Variants in VPS16 observed in about 807,000 individuals in gnomAD.
The protein encoded by VPS16 is vacuolar protein sorting-associated protein 16 homolog.
A neutral mutation model predicts 116.0 loss-of-function variants in VPS16; 82 were observed. That is an observed-to-expected ratio of 0.71 (90% confidence interval 0.59 to 0.85). VPS16 has a LOEUF of 0.85. Among genes scored for constraint, VPS16 ranks in the 40% least tolerant of loss-of-function variants. VPS16 has a pLI of 0.00. For synonymous variants in VPS16, 406 were observed against 420.7 expected (o/e 0.96, Z 0.43); for missense variants, 928 against 1,090.6 (o/e 0.85, Z 2.10).
chr20:2,852,821 A>G (rs114673736), intron 1 of VPS16, among the ~76,000 whole-genome samples: 3,627 of 152,300 alleles, frequency 0.024, 89 homozygotes, highest in African/African-American at 0.059. Flanking sequence ...GATGATGACT[A>G]CTAATTAATC....
rs763481102 is a variant in VPS16, at chr20:2,859,709, G to A, written c.54-10G>A. On this transcript the variant is annotated splice_polypyrimidine_tract_variant and intron_variant, in intron 1 of 23. Coordinates refer to ENST00000380445, the MANE Select transcript of VPS16 (RefSeq NM_022575.4). ...ATGAGGCTAATTTCTGCTCATCTCT[G>A]TGTGGGCAGGAAATATGAGCTGTAC... 3.1e-6 allele frequency: 5 copies of A among 1,612,682 alleles called. No homozygotes were observed. Among genetic ancestry groups the A allele is most frequent in the Admixed American group, 1.7e-5 (1 of 59,672 alleles).
At chr20:2,843,470 T>G (rs779395571) in intron 1 of VPS16, among the ~76,000 whole-genome samples, 1 of 151,736 alleles carries the variant, frequency 6.6e-6, no homozygotes, top group Non-Finnish European at 1.5e-5. Context: ...GCCTGTGCAG[T>G]ATGAAAAAAT....
At chr20:2,842,561 A>T (rs1433620711) in intron 1 of VPS16, among the ~76,000 whole-genome samples, 1 of 151,234 alleles carries the variant, frequency 6.6e-6, no homozygotes, top group East Asian at 2.0e-4. Flanking sequence ...GAGCCAAGAT[A>T]GCGTCATTGC....
chr20:2,852,033 C>T (rs552619907), intron 1 of VPS16, among the ~76,000 whole-genome samples: 1 of 152,164 alleles, frequency 6.6e-6, no homozygotes, highest in African/African-American at 2.4e-5. Context: ...AGTGCACAGG[C>T]AGGATGCAGC....
In VPS16 at chr20:2,864,682, GTGTGGGGCA is replaced by G. The variant is rs1457801550; in HGVS notation, c.1926+35_1926+43del. 6.2e-7 allele frequency: 1 copy of G among 1,601,398 alleles called. No individual in the cohort carries two copies. The highest frequency in any genetic ancestry group is 1.3e-5 in the African/African-American group (1 of 74,794). On this transcript the variant is annotated intron_variant, in intron 19 of 23. Coordinates refer to ENST00000380445, the MANE Select transcript of VPS16 (RefSeq NM_022575.4). This position sits in a 1 kb window ranked among gnomAD's most constrained non-coding sequence, Gnocchi z 5.2. Reference sequence around the variant, plus strand: ...CTGAGATCCATGGGGCGTGTGGGGCGTGTGGGGCATGTGGGCTGGGGCTGTTGGTCCGGT... The same window carrying G: ...CTGAGATCCATGGGGCGTGTGGGGCGTGTGGGCTGGGGCTGTTGGTCCGGT...
At position 2,865,465 on chromosome 20, in the gene VPS16, C is replaced by G; in HGVS notation, c.2241C>G (p.Ser747=). 2 of 1,614,074 alleles carry G rather than the reference C, an allele frequency of 1.2e-6. No individual in the cohort carries two copies. Among genetic ancestry groups the G allele is most frequent in the Non-Finnish European group, 1.7e-6 (2 of 1,180,002 alleles). Residue 747 remains serine, a synonymous_variant, in exon 22 of 24, where the codon TCC becomes TCG. Coordinates refer to ENST00000380445, the MANE Select transcript of VPS16 (RefSeq NM_022575.4). This position sits in a 1 kb window ranked among gnomAD's most constrained non-coding sequence, Gnocchi z 5.2. ...ATTGGGAAGAGCTAGAGAAGTTTTCCAAGAGCAAGAAATCACCCATTGGCT... is the reference window on the plus strand; with the variant it reads ...ATTGGGAAGAGCTAGAGAAGTTTTCGAAGAGCAAGAAATCACCCATTGGCT... ...LEDWEELEKF[S]KSKKSPIGYL... is the part of the protein sequence containing the mutation.
intron 12 of VPS16, 48 bp from the exon 13 acceptor site, chr20:2,862,759 G>GGGGGGGGGGC: frequency 1.3e-6 from 1 of 777,196 alleles, no homozygotes; most frequent in Non-Finnish European, 2.1e-6. Flanking sequence ...GAGGGGGTGG[G>GGGGGGGGGGC]ATGGGCAGCA....
In VPS16 at chr20:2,864,376, T is replaced by C; in HGVS notation, c.1732T>C (p.Leu578=). ...TTACTCTCCTGCAGTGTTCACGGTG[T>C]TGCTGCACCTGAAGAACGAGCTGAA... The part of the protein sequence containing the change: ...SGDTDLVFTV[L]LHLKNELNRG... Residue 578 remains leucine, a synonymous_variant, in exon 18 of 24, where the codon TTG becomes CTG. Transcript: ENST00000380445. This position sits in a 1 kb window ranked among gnomAD's most constrained non-coding sequence, Gnocchi z 5.2. 6.2e-7 allele frequency: 1 copy of C among 1,614,156 alleles called. No homozygotes were observed. The highest frequency in any genetic ancestry group is 8.5e-7 in the Non-Finnish European group (1 of 1,180,022).
intron 2 of VPS16, 57 bp from the exon 3 acceptor site, chr20:2,859,997 G>A (rs935205453): frequency 2.5e-6 from 4 of 1,605,610 alleles, no homozygotes; most frequent in Admixed American, 3.4e-5. Flanking sequence ...TGTGAGGCCT[G>A]CTTCACATGG....
chr20:2,859,654 C>G (rs1228556990), intron 1 of VPS16, 65 bp from the exon 2 acceptor site: 3 of 1,544,968 alleles, frequency 1.9e-6, no homozygotes, highest in Non-Finnish European at 2.7e-6. Context: ...AGGAATTCCT[C>G]TGGGGTTCAC....
chr20:2,863,219 A>G lies in VPS16; in HGVS notation c.1368-71A>G. 1.2e-6 allele frequency: 2 copies of G among 1,610,152 alleles called. No homozygotes were observed. The highest frequency in any genetic ancestry group is 2.7e-5 in the African/African-American group (2 of 74,918). Reference sequence around the variant, plus strand: ...CTAGGATGTGGGAGGCCTGATGTGCAGGCTGAGGCCACTCTGCTCCCTTTC... The same window carrying G: ...CTAGGATGTGGGAGGCCTGATGTGCGGGCTGAGGCCACTCTGCTCCCTTTC... On this transcript the variant is annotated intron_variant, in intron 14 of 23. Transcript: ENST00000380445. This position sits in a 1 kb window ranked among gnomAD's most constrained non-coding sequence, Gnocchi z 4.4.
At chr20:2,852,701 C>G (rs1213361556) in intron 1 of VPS16, among the ~76,000 whole-genome samples, 1 of 152,158 alleles carries the variant, frequency 6.6e-6, no homozygotes, top group Non-Finnish European at 1.5e-5. Context: ...AGCATTATGT[C>G]TAAACAAAAG....
intron 1 of VPS16, chr20:2,841,232 A>AG: frequency 4.5e-6 from 1 of 222,512 alleles, no homozygotes; most frequent in East Asian, 1.3e-4. Flanking sequence ...GGCTGGGAAA[A>AG]GGGGGCGAGT....
rs765330088 is a variant in VPS16, at chr20:2,865,506, G to T, written c.2271+11G>T. 2.5e-6 allele frequency: 4 copies of T among 1,611,756 alleles called. No homozygotes were observed. The East Asian group carries it at 8.9e-5, about 36-fold the overall frequency. On this transcript the variant is annotated intron_variant, in intron 22 of 23. Transcript: ENST00000380445. This position sits in a 1 kb window ranked among gnomAD's most constrained non-coding sequence, Gnocchi z 5.2. ...CCCATTGGCTACCTGGTGAGGCAGGGTCCTCCCTCCAGCCCACTTCCAGTG... is the reference window on the plus strand; with the variant it reads ...CCCATTGGCTACCTGGTGAGGCAGGTTCCTCCCTCCAGCCCACTTCCAGTG...
chr20:2,862,038 C>G lies in VPS16; in HGVS notation c.995-16C>G. On this transcript the variant is annotated splice_polypyrimidine_tract_variant and intron_variant, in intron 10 of 23. Transcript: ENST00000380445. ...TTCCCTGCCTTTCTCCCTCACTCACCAACTCCCTTCCCCAGCGGCCAGCGA... is the reference window on the plus strand; with the variant it reads ...TTCCCTGCCTTTCTCCCTCACTCACGAACTCCCTTCCCCAGCGGCCAGCGA... 6.2e-7 allele frequency: 1 copy of G among 1,613,298 alleles called. No individual in the cohort carries two copies. Among genetic ancestry groups the G allele is most frequent in the African/African-American group, 1.3e-5 (1 of 75,062 alleles).
At chr20:2,862,406 G>A (rs549995709) in intron 11 of VPS16, 173 bp from the exon 12 acceptor site, 221 of 1,337,268 alleles carry the variant, frequency 1.7e-4, no homozygotes, top group African/African-American at 1.4e-3. Context: ...GGGCTGATAC[G>A]AGATGATGTC....
intron 1 of VPS16, among the ~76,000 whole-genome samples, chr20:2,858,988 A>G (rs2089200495): frequency 6.6e-6 from 1 of 152,222 alleles, no homozygotes; most frequent in South Asian, 2.1e-4. Context: ...TATAAAGCCC[A>G]CACCCTGATT....
Position 2,865,024 on chromosome 20 carries a change from T to A in VPS16, c.1973T>A (p.Phe658Tyr). The change falls in exon 20 of 24, where the codon TTC (phenylalanine) becomes TAC (tyrosine). Residue 658 changes from phenylalanine to tyrosine, a missense_variant. By Grantham distance (22) the Phe-to-Tyr change is conservative. Transcript: ENST00000380445. This position sits in a 1 kb window ranked among gnomAD's most constrained non-coding sequence, Gnocchi z 5.2. ...VAALQTAADA[F>Y]YKAKNEFAAK... The stretch of plus-strand genomic sequence containing the variant: ...GCTCTGCAGACAGCCGCCGATGCCT[T>A]CTACAAGGCCAAGAATGAGTTTGCA... 1 of 1,614,154 alleles carries A rather than the reference T, an allele frequency of 6.2e-7. No homozygotes were observed. Among genetic ancestry groups the A allele is most frequent in the Non-Finnish European group, 8.5e-7 (1 of 1,180,028 alleles).
rs1421218421 is a variant in VPS16 at position 2,864,582 on chromosome 20, C to T, written c.1854C>T (p.Asp618=). The T allele has an allele frequency of 6.2e-7, 1 of 1,614,012 alleles. No individual in the cohort carries two copies. Among genetic ancestry groups the T allele is most frequent in the African/African-American group, 1.3e-5 (1 of 74,904 alleles). Residue 618 remains aspartate (D), a synonymous_variant, in exon 19 of 24, where the codon GAC becomes GAT. Coordinates refer to ENST00000380445, the MANE Select transcript of VPS16 (RefSeq NM_022575.4). The surrounding 1 kb of genome is among the most constrained non-coding windows in gnomAD (Gnocchi z 5.2). ...CKHQELETLK[D]LYNQDDNHQE... ...ATCAGGAGCTAGAGACGCTGAAGGA[C>T]CTTTACAATCAGGATGACAATCACC...
Sources: allele counts gnomAD v4.1 joint callset (sites outside exome capture counted in the v4.1 genomes callset), GRCh38; gene constraint gnomAD v4.1.1; non-coding constraint Gnocchi (gnomAD v3.1); transcripts MANE v1.5; gene names NCBI Gene and HGNC (gene_info 2026-07-23, HGNC 2026-07-21).